The following SEMA5B variants were observed in gnomAD, a reference collection of about 807,000 sequenced individuals.
SEMA5B encodes semaphorin-5B.
SEMA5B carries 66 observed loss-of-function variants against 135.0 expected under a neutral mutation model. The observed-to-expected ratio is 0.49, with a 90% CI of 0.40 to 0.60. SEMA5B has a LOEUF of 0.60. Among genes scored for constraint, SEMA5B ranks in the 20% least tolerant of loss-of-function variants. SEMA5B has a pLI of 0.00. For synonymous variants in SEMA5B, 690 were observed against 639.5 expected, an observed-to-expected ratio of 1.08 and a Z score of -1.19; for missense variants, 1,501 against 1,566.3, an observed-to-expected ratio of 0.96 and a Z score of 0.70.
intron 12 of SEMA5B, among the ~76,000 whole-genome samples, chr3:122,921,254 G>C (rs1356051590): frequency 6.6e-6 from 1 of 152,212 alleles, no homozygotes; most frequent in Non-Finnish European, 1.5e-5. Context: ...CGGGTGGTAG[G>C]AGTCTGGGCT....
Position 122,949,084 on chromosome 3 carries a change from G to T in SEMA5B, c.125-375C>A, listed in dbSNP as rs534334197. Among the ~76,000 whole-genome samples, 27 of 152,118 alleles carry T rather than the reference G, an allele frequency of 1.8e-4. No homozygotes were observed. In the East Asian group the frequency reaches 5.2e-3, roughly 29 times the overall value. On this transcript the variant is annotated intron_variant, in intron 2 of 22. Transcript: ENST00000357599. The stretch of plus-strand genomic sequence containing the variant: ...CCATAACTCATACTTTATATACTAG[G>T]AAAAAATTCAAATAGACAAAAGATT...
At chr3:122,925,878 A>C (rs1938606392) in intron 9 of SEMA5B, among the ~76,000 whole-genome samples, 1 of 151,948 alleles carries the variant, frequency 6.6e-6, no homozygotes, top group Admixed American at 6.6e-5. Context: ...GGAGGGTCCC[A>C]TGATCTGTGA....
chr3:122,932,243 ATTTTTTTTTT>A (rs71136597), intron 5 of SEMA5B, among the ~76,000 whole-genome samples: 16,955 of 85,392 alleles, frequency 0.2, 1,223 homozygotes, highest in African/African-American at 0.27. Context: ...TCTCAATATG[ATTTTTTTTTT>A]TTTTTTTTTT....
intron 1 of SEMA5B, among the ~76,000 whole-genome samples, chr3:122,984,523 C>T (rs1351591340): frequency 3.3e-5 from 5 of 152,180 alleles, no homozygotes; most frequent in African/African-American, 1.2e-4. Context: ...CTCTCTCTCC[C>T]TCTGGGGCTC....
intron 2 of SEMA5B, among the ~76,000 whole-genome samples, chr3:122,950,497 C>T (rs1020299729): frequency 2.0e-5 from 3 of 152,256 alleles, no homozygotes; most frequent in Admixed American, 6.5e-5. Context: ...AACAACTCCA[C>T]AGTCACAGAA....
rs1017567229 is a variant in SEMA5B, at chr3:122,922,089, G to T, written c.1514C>A (p.Ala505Glu). Residue 505 changes from alanine to glutamate, a missense_variant, in exon 12 of 23, where the codon GCG becomes GAG. Ala to Glu is a moderately radical substitution (Grantham distance 107). Transcript: ENST00000357599. ...SGTILKALST[A>E]SRSLHGCYLE... is the part of the protein sequence containing the mutation. ...GTAGCAGCCGTGGAGGCTGCGGCTCGCCGTGGACAGCGCCTTCAGGATGGT... is the reference window on the plus strand; with the variant it reads ...GTAGCAGCCGTGGAGGCTGCGGCTCTCCGTGGACAGCGCCTTCAGGATGGT... 23 of 1,492,430 alleles carry T rather than the reference G, an allele frequency of 1.5e-5. No individual in the cohort carries two copies. The highest frequency in any genetic ancestry group is 2.1e-5 in the Non-Finnish European group (23 of 1,118,234). The allele number at this position is 1,492,430 out of a possible 1,614,324, so 92.4% of individuals were successfully genotyped here.
chr3:122,960,312 C>T (rs757203991), intron 2 of SEMA5B, among the ~76,000 whole-genome samples: 11 of 152,108 alleles, frequency 7.2e-5, no homozygotes, highest in East Asian at 3.9e-4. Context: ...GCTTACAGGA[C>T]GGTGTGAATG....
At chr3:122,928,705 A>G (rs1359950806) in intron 6 of SEMA5B, 90 bp from the exon 7 acceptor site, 5 of 1,001,106 alleles carry the variant, frequency 5.0e-6, no homozygotes, top group Middle Eastern at 2.1e-4. Context: ...ATGGATGCCA[A>G]CAAGTATTCT....
At chr3:122,949,843 C>G (rs894855790) in intron 2 of SEMA5B, among the ~76,000 whole-genome samples, 8 of 152,200 alleles carry the variant, frequency 5.3e-5, no homozygotes, top group Non-Finnish European at 1.2e-4. Context: ...CAGGCTTCAA[C>G]TCCCTGTGAT....
chr3:122,944,510 C>T lies in SEMA5B; in HGVS notation c.329-975G>A, dbSNP rs6795819. The stretch of plus-strand genomic sequence containing the variant: ...AGTCCAGCACCTAGCAGTGTTTGAA[C>T]GAATATATGAATAATCCTCAATTCC... On this transcript the variant is annotated intron_variant, in intron 3 of 22. Coordinates refer to ENST00000357599, the MANE Select transcript of SEMA5B (RefSeq NM_001031702.4). Among the ~76,000 whole-genome samples the T allele has an allele frequency of 4.4e-3, 669 of 152,292 alleles. 6 individuals carry two copies. Among genetic ancestry groups the T allele is most frequent in the African/African-American group, 0.015 (640 of 41,546 alleles).
chr3:122,967,850 G>A (rs1940937463), intron 1 of SEMA5B, among the ~76,000 whole-genome samples: 1 of 152,244 alleles, frequency 6.6e-6, no homozygotes, highest in Non-Finnish European at 1.5e-5. Flanking sequence ...CTGAGAAGGA[G>A]GTAGGGGAAG....
At chr3:122,922,565 C>A in intron 10 of SEMA5B, 118 bp from the exon 11 acceptor site, 1 of 881,642 alleles carries the variant, frequency 1.1e-6, no homozygotes, top group Non-Finnish European at 1.7e-6. Context: ...TTCTCCAGCA[C>A]CCCCCACCCC....
chr3:122,943,697 TTGGGAG>T (rs1054062826), intron 3 of SEMA5B, among the ~76,000 whole-genome samples, 162 bp from the exon 4 acceptor site: 2 of 152,096 alleles, frequency 1.3e-5, no homozygotes, highest in Non-Finnish European at 2.9e-5. Flanking sequence ...CCCTAGGGAC[TTGGGAG>T]TGGGTGTTGT....
At position 123,017,233 on chromosome 3, in the gene SEMA5B, C is replaced by T. The variant is rs143795505; in HGVS notation, c.-39+10231G>A. Among the ~76,000 whole-genome samples, 374 of 152,160 alleles carry T rather than the reference C, an allele frequency of 2.5e-3. 2 individuals are homozygous for T. The highest frequency in any genetic ancestry group is 8.8e-3 in the African/African-American group (365 of 41,518). On this transcript the variant is annotated intron_variant, in intron 1 of 22. Transcript: ENST00000357599. ...ATTTTCAATCCAAGTTTGGTTGAAT[C>T]CTCACATGGATTCCACAGATACAGA...
At chr3:123,022,579 G>T (rs1383674605) in intron 1 of SEMA5B, among the ~76,000 whole-genome samples, 1 of 152,184 alleles carries the variant, frequency 6.6e-6, no homozygotes, top group East Asian at 1.9e-4. Context: ...AGAGCTCAAG[G>T]TTAAACTCTC....
intron 1 of SEMA5B, among the ~76,000 whole-genome samples, chr3:123,026,667 G>T (rs892478412): frequency 1.3e-5 from 2 of 152,084 alleles, no homozygotes; most frequent in African/African-American, 4.8e-5. Context: ...GTGCCCGAGC[G>T]CCCCCCGCTC....
At chr3:123,026,092 C>T (rs927773252) in intron 1 of SEMA5B, among the ~76,000 whole-genome samples, 5 of 152,072 alleles carry the variant, frequency 3.3e-5, no homozygotes, top group African/African-American at 1.2e-4. Context: ...GGAGAGAGGC[C>T]CCGAGGCCGA....
At chr3:123,003,115 G>A (rs1190347471) in intron 1 of SEMA5B, among the ~76,000 whole-genome samples, 2 of 151,960 alleles carry the variant, frequency 1.3e-5, no homozygotes, top group Non-Finnish European at 2.9e-5. Flanking sequence ...TTTTTTGAAT[G>A]TCCAGTAAGT....
At chr3:122,922,636 TAAG>T (rs1317715424) in intron 10 of SEMA5B, among the ~76,000 whole-genome samples, 189 bp from the exon 11 acceptor site, 1 of 152,152 alleles carries the variant, frequency 6.6e-6, no homozygotes, top group East Asian at 1.9e-4. Flanking sequence ...CTTTGGGAAC[TAAG>T]AACAGGAGAC....
Sources: gnomAD v4.1 joint callset for allele counts (sites outside exome capture counted in the v4.1 genomes callset) on GRCh38, gnomAD v4.1.1 for gene constraint, MANE v1.5 for transcripts, NCBI Gene and HGNC (gene_info 2026-07-23, HGNC 2026-07-21) for gene names.